Variants in CCDC110 observed in about 807,000 individuals in gnomAD.
The protein encoded by CCDC110 is coiled-coil domain-containing protein 110.
CCDC110 carries 70 observed loss-of-function variants against 77.1 expected under a neutral mutation model. The observed-to-expected ratio is 0.91, with a 90% CI of 0.75 to 1.11. The LOEUF (loss-of-function observed/expected upper bound fraction) is 1.11. Ranked by LOEUF, CCDC110 falls within the 50% of genes least tolerant of loss-of-function variation. CCDC110 has a pLI of 0.00. For missense variants in CCDC110, 868 were observed against 942.9 expected (o/e 0.92, Z 1.04); for synonymous variants, 295 against 312.5 (o/e 0.94, Z 0.59).
chr4:185,452,443 A>G (rs1242079288), intron 6 of CCDC110: 7 of 888,978 alleles, frequency 7.9e-6, no homozygotes, highest in Non-Finnish European at 9.4e-6. Context: ...ACTTAGATCA[A>G]TAAGAAGCTC....
At chr4:185,461,614 T>G (rs1335182329) in intron 4 of CCDC110, among the ~76,000 whole-genome samples, 1 of 152,240 alleles carries the variant, frequency 6.6e-6, no homozygotes, top group Non-Finnish European at 1.5e-5. Context: ...CTGTTTATAC[T>G]TCTCCTTATT....
rs1394429167 is a variant in CCDC110, at chr4:185,445,556, A to G, written c.2462-14T>C. 3 of 1,481,112 alleles carry G rather than the reference A, an allele frequency of 2.0e-6. No homozygotes were observed. Among genetic ancestry groups the G allele is most frequent in the East Asian group, 2.3e-5 (1 of 43,862 alleles). 91.7% of individuals were successfully genotyped at this position (1,481,112 alleles called of 1,614,324 possible). The stretch of plus-strand genomic sequence containing the variant: ...CTTTGAAATAACCTATGAAAATAGA[A>G]AATATTCTGGTTAATTAAAAATGCC... On this transcript the variant is annotated splice_polypyrimidine_tract_variant and intron_variant, in intron 6 of 6. Transcript: ENST00000307588.
intron 2 of CCDC110, among the ~76,000 whole-genome samples, chr4:185,466,708 C>T (rs1446781819): frequency 1.3e-5 from 2 of 151,950 alleles, no homozygotes; most frequent in Non-Finnish European, 2.9e-5. Context: ...TAGCTGGGAC[C>T]ACAGGTGTGT....
At chr4:185,457,427 A>G (rs2153320021) in intron 6 of CCDC110, 1 of 376,130 alleles carries the variant, frequency 2.7e-6, no homozygotes, top group Non-Finnish European at 5.1e-6. Context: ...TCCTCTTTAC[A>G]CTGCCTGTAG....
At chr4:185,457,699 A>G (rs2095637996) in intron 6 of CCDC110, 1 of 1,026,888 alleles carries the variant, frequency 9.7e-7, no homozygotes, top group Non-Finnish European at 1.3e-6. Context: ...TAATCACATA[A>G]TTTAAAATTA....
At chr4:185,471,361 C>CA (rs2095667137) in intron 1 of CCDC110, among the ~76,000 whole-genome samples, 1 of 25,880 alleles carries the variant, frequency 3.9e-5, no homozygotes, top group Non-Finnish European at 8.2e-5. Flanking sequence ...TGGGGCGGGG[C>CA]GGAGGGATGG....
chr4:185,461,054 C>G lies in CCDC110; in HGVS notation c.343G>C (p.Asp115His). The G allele has an allele frequency of 6.8e-7, 1 of 1,479,566 alleles. No homozygotes were observed. Among genetic ancestry groups the G allele is most frequent in the Non-Finnish European group, 9.2e-7 (1 of 1,086,416 alleles). 91.7% of individuals were successfully genotyped at this position (1,479,566 alleles called of 1,614,324 possible). Residue 115 changes from aspartate (D) to histidine (H), a missense_variant, in exon 5 of 7, where the codon GAT (aspartate) becomes CAT (histidine). Physicochemically the swap from Asp to His is moderately conservative, Grantham distance 81. Coordinates refer to ENST00000307588, the MANE Select transcript of CCDC110 (RefSeq NM_152775.4). Reference protein sequence around the residue: ...NLVFGTRIEKDLPTENQEENL... With the variant: ...NLVFGTRIEKHLPTENQEENL... ...ATTTCTGTAGAATAACATACCAAAT[C>G]CTTTTCAATGCGCGTGCCAAACACC...
At chr4:185,460,896 C>A (rs757191813) in intron 5 of CCDC110, 153 bp downstream of exon 5, 4 of 584,502 alleles carry the variant, frequency 6.8e-6, no homozygotes, top group Admixed American at 6.5e-5. Flanking sequence ...AAATACACAT[C>A]TTTTAAGGTT....
In CCDC110 at chr4:185,458,994, T is replaced by C. The variant is rs1339967709; in HGVS notation, c.1593A>G (p.Gln531=). Residue 531 remains glutamine, a synonymous_variant, in exon 6 of 7, where the codon CAA becomes CAG. Transcript: ENST00000307588. ...QNKTLEEKNI[Q]LSLEKQQMME... The stretch of plus-strand genomic sequence containing the variant: ...TCATTTGTTGCTTCTCTAAAGAAAG[T>C]TGTATATTTTTTTCCTCTAGAGTTT... 5.0e-6 allele frequency: 8 copies of C among 1,601,444 alleles called. No homozygotes were observed. The highest frequency in any genetic ancestry group is 6.8e-6 in the Non-Finnish European group (8 of 1,176,656).
chr4:185,459,568 C>T lies in CCDC110; in HGVS notation c.1019G>A (p.Cys340Tyr). 5 of 1,613,214 alleles carry T rather than the reference C, an allele frequency of 3.1e-6. No homozygotes were observed. The highest frequency in any genetic ancestry group is 4.2e-6 in the Non-Finnish European group (5 of 1,179,684). The change falls in exon 6 of 7, where the codon TGT becomes TAT. Residue 340 changes from cysteine to tyrosine, a missense_variant. Coordinates refer to ENST00000307588, the MANE Select transcript of CCDC110 (RefSeq NM_152775.4). ...CATTTCACTCTTAGATAACTTTTTA[C>T]ATTTTCTACAAAAATGCACATGGAA... ...SKFHVHFCRKCKKLSKSEMHR... is the reference protein window; with the variant it reads ...SKFHVHFCRKYKKLSKSEMHR...
At chr4:185,453,207 A>G (rs1202796062) in intron 6 of CCDC110, among the ~76,000 whole-genome samples, 1 of 152,024 alleles carries the variant, frequency 6.6e-6, no homozygotes, top group East Asian at 1.9e-4. Context: ...GTCTCTAAAA[A>G]CAAACAAACT....
chr4:185,450,120 C>T lies in CCDC110; in HGVS notation c.2462-4578G>A, dbSNP rs374905390. ...AATGTTAGATCCATTTATATTATTA[C>T]GTAGATACAATATATACACATGATA... On this transcript the variant is annotated intron_variant, in intron 6 of 6. Transcript: ENST00000307588. 2.0e-4 allele frequency among the ~76,000 whole-genome samples: 31 copies of T among 152,264 alleles called. No individual in the cohort carries two copies. The East Asian group carries it at 2.1e-3, about 10-fold the overall frequency.
Position 185,469,784 on chromosome 4 carries a change from T to A in CCDC110, c.115+1161A>T, listed in dbSNP as rs184374972. Among the ~76,000 whole-genome samples, 306 of 152,306 alleles carry A rather than the reference T, an allele frequency of 2.0e-3. 1 individual carries two copies. The highest frequency in any genetic ancestry group is 3.2e-3 in the Non-Finnish European group (216 of 68,022). The stretch of plus-strand genomic sequence containing the variant: ...GTCTACTGAGGTGTGGCTGCTCTAG[T>A]CTCTTCTTTCCGGGCCCTGACAAGG... On this transcript the variant is annotated intron_variant, in intron 2 of 6. Coordinates refer to ENST00000307588, the MANE Select transcript of CCDC110 (RefSeq NM_152775.4).
At chr4:185,447,713 A>G (rs1218014648) in intron 6 of CCDC110, among the ~76,000 whole-genome samples, 1 of 152,200 alleles carries the variant, frequency 6.6e-6, no homozygotes, top group African/African-American at 2.4e-5. Flanking sequence ...TTTCAGTAAT[A>G]TAGTATCACT....
rs564134016 is a variant in CCDC110 at position 185,466,228 on chromosome 4, T to G, written c.116-3179A>C. Among the ~76,000 whole-genome samples the G allele has an allele frequency of 2.7e-3, 417 of 151,998 alleles. 5 individuals are homozygous for G. The highest frequency in any genetic ancestry group is 8.4e-4 in the Non-Finnish European group (57 of 67,944). ...GTCTCTACTAAAAATACAAAAAATT[T>G]GCTGGGTGTGGTGGCATGTGCCTGT... On this transcript the variant is annotated intron_variant, in intron 2 of 6. Transcript: ENST00000307588.
At chr4:185,454,592 T>C (rs2095633594) in intron 6 of CCDC110, among the ~76,000 whole-genome samples, 1 of 151,994 alleles carries the variant, frequency 6.6e-6, no homozygotes, top group Non-Finnish European at 1.5e-5. Context: ...CACATGCCTG[T>C]AGTCCCAGCT....
chr4:185,457,374 G>A (rs756800848), intron 6 of CCDC110: 1 of 452,856 alleles, frequency 2.2e-6, no homozygotes, highest in South Asian at 1.6e-5. Context: ...TAATACTCGG[G>A]TTTCTAAGCT....
Position 185,458,315 on chromosome 4 carries a change from C to T in CCDC110, c.2272G>A (p.Asp758Asn). Residue 758 changes from aspartate (D) to asparagine (N), a missense_variant, in exon 6 of 7, where the codon GAT (aspartate) becomes AAT (asparagine). Physicochemically the swap from Asp to Asn is conservative, Grantham distance 23 (BLOSUM62 1). Coordinates refer to ENST00000307588, the MANE Select transcript of CCDC110 (RefSeq NM_152775.4). ...NYVRSIENER[D>N]TLEFEMRHLQ... The stretch of plus-strand genomic sequence containing the variant: ...TGCCGCATCTCAAATTCCAAGGTAT[C>T]CCTTTCATTTTCTATGCTTCTTACG... 1 of 1,592,316 alleles carries T rather than the reference C, an allele frequency of 6.3e-7. No individual in the cohort carries two copies. Among genetic ancestry groups the T allele is most frequent in the East Asian group, 2.2e-5 (1 of 44,478 alleles).
At position 185,453,352 on chromosome 4, in the gene CCDC110, T is replaced by C. The variant is rs182658747; in HGVS notation, c.2461+4774A>G. Among the ~76,000 whole-genome samples, 6 of 152,368 alleles carry C rather than the reference T, an allele frequency of 3.9e-5. No individual in the cohort carries two copies. The East Asian group carries it at 7.7e-4, about 20-fold the overall frequency. ...ACTTAATTTTCCAAAAGTGAGTTAG[T>C]AGCATTATAGTAGCATTACATAACA... On this transcript the variant is annotated intron_variant, in intron 6 of 6. Transcript: ENST00000307588.
Sources: gnomAD v4.1 joint callset for allele counts (sites outside exome capture counted in the v4.1 genomes callset) on GRCh38, gnomAD v4.1.1 for gene constraint, MANE v1.5 for transcripts, NCBI Gene and HGNC (gene_info 2026-07-23, HGNC 2026-07-21) for gene names.